Variants in LRIG1 observed in about 807,000 individuals in gnomAD.
The protein encoded by LRIG1 is leucine-rich repeats and immunoglobulin-like domains protein 1.
LRIG1 carries 48 observed loss-of-function variants against 99.2 expected under a neutral mutation model. That is an observed-to-expected ratio of 0.48 (90% confidence interval 0.38 to 0.62). LRIG1 has a LOEUF of 0.62. Ranked by LOEUF, LRIG1 falls within the 20% of genes least tolerant of loss-of-function variation. LRIG1 has a pLI of 0.00. For missense variants in LRIG1, 1,646 were observed against 1,434.4 expected (o/e 1.15, Z -2.38); for synonymous variants, 772 against 596.1 (o/e 1.29, Z -4.30).
At chr3:66,492,383 T>A (rs1320782908) in intron 1 of LRIG1, among the ~76,000 whole-genome samples, 1 of 152,170 alleles carries the variant, frequency 6.6e-6, no homozygotes, top group Non-Finnish European at 1.5e-5. Flanking sequence ...AAATGCTGCA[T>A]AAAGGAGTCT....
chr3:66,476,966 CAT>C (rs1252487255), intron 1 of LRIG1, among the ~76,000 whole-genome samples: 1 of 152,220 alleles, frequency 6.6e-6, no homozygotes. Context: ...GCACGACACA[CAT>C]GTGGTCTGTG....
At chr3:66,464,945 G>A (rs1160968684) in intron 1 of LRIG1, among the ~76,000 whole-genome samples, 6 of 152,180 alleles carry the variant, frequency 3.9e-5, no homozygotes, top group African/African-American at 1.4e-4. Flanking sequence ...AGCAGTATCA[G>A]GACTTAACAC....
chr3:66,403,487 C>G (rs1192281985), intron 9 of LRIG1, among the ~76,000 whole-genome samples: 1 of 152,086 alleles, frequency 6.6e-6, no homozygotes, highest in Non-Finnish European at 1.5e-5. Context: ...TCCCAGGAGT[C>G]TCAGGACCAG....
At position 66,384,268 on chromosome 3, in the gene LRIG1, C is replaced by T. The variant is rs770148932; in HGVS notation, c.1794G>A (p.Leu598=). The T allele has an allele frequency of 2.7e-5, 44 of 1,610,608 alleles. No homozygotes were observed. In the East Asian group the frequency reaches 9.4e-4, roughly 34 times the overall value. The change falls in exon 14 of 19, where the codon TTG becomes TTA. Residue 598 remains leucine (L), a synonymous_variant. Transcript: ENST00000273261. ...CGTGGGGCGTTTTGGTGAATGATGG[C>T]AACACTGGAAAACATACGTATACAG... The part of the protein sequence containing the change: ...SHKARLTVNV[L]PSFTKTPHDI...
chr3:66,395,838 T>C (rs1267920448), intron 11 of LRIG1, among the ~76,000 whole-genome samples: 1 of 152,210 alleles, frequency 6.6e-6, no homozygotes, highest in Non-Finnish European at 1.5e-5. Flanking sequence ...TGGAGAACTC[T>C]CCGCTGTCAG....
chr3:66,448,740 T>C (rs990440408), intron 3 of LRIG1, among the ~76,000 whole-genome samples: 1 of 152,182 alleles, frequency 6.6e-6, no homozygotes. Flanking sequence ...ATTTGCTCTA[T>C]TCTCTCTGCA....
Position 66,465,357 on chromosome 3 carries a change from ATTTTTTTT to A in LRIG1, c.219-2856_219-2849del, listed in dbSNP as rs59148647. On this transcript the variant is annotated intron_variant, in intron 1 of 18. Transcript: ENST00000273261. ...TTCAAGAAGACAAACTCTGAGCATAATTTTTTTTTTTTTTTTTTTTTTTTTGAGACGAG... is the reference window on the plus strand; with the variant it reads ...TTCAAGAAGACAAACTCTGAGCATAATTTTTTTTTTTTTTTTTGAGACGAG... 6.6e-4 allele frequency among the ~76,000 whole-genome samples: 45 copies of A among 67,726 alleles called. 1 individual carries two copies. Among genetic ancestry groups the A allele is most frequent in the Middle Eastern group, 0.015 (2 of 130 alleles). 44.4% of individuals were successfully genotyped at this position (67,726 alleles called of 152,430 possible).
chr3:66,403,135 C>A (rs186600261), intron 9 of LRIG1, among the ~76,000 whole-genome samples: 1 of 152,126 alleles, frequency 6.6e-6, no homozygotes. Flanking sequence ...AATCCTCCTC[C>A]GGTCGTGCCA....
chr3:66,396,241 G>C (rs1701844786), intron 11 of LRIG1, among the ~76,000 whole-genome samples: 1 of 152,192 alleles, frequency 6.6e-6, no homozygotes, highest in African/African-American at 2.4e-5. Context: ...GATACATGGG[G>C]AGGGCCTGGG....
At position 66,385,164 on chromosome 3, in the gene LRIG1, C is replaced by A. The variant is rs116322037; in HGVS notation, c.1789+817G>T. Among the ~76,000 whole-genome samples the A allele has an allele frequency of 5.1e-4, 77 of 152,246 alleles. 1 individual carries two copies. Among genetic ancestry groups the A allele is most frequent in the African/African-American group, 1.7e-3 (69 of 41,540 alleles). On this transcript the variant is annotated intron_variant, in intron 13 of 18. Transcript: ENST00000273261. ...CTACTCCCCACCCCCCTCCTCCAAACACACAATAACACATGGTCCCCTTGA... is the reference window on the plus strand; with the variant it reads ...CTACTCCCCACCCCCCTCCTCCAAAAACACAATAACACATGGTCCCCTTGA...
At chr3:66,468,658 G>A (rs750580050) in intron 1 of LRIG1, among the ~76,000 whole-genome samples, 3 of 152,134 alleles carry the variant, frequency 2.0e-5, no homozygotes, top group African/African-American at 7.2e-5. Context: ...GGGCTCTGGC[G>A]ATTCATCTCT....
intron 8 of LRIG1, chr3:66,406,347 G>T: frequency 1.0e-6 from 1 of 985,616 alleles, no homozygotes; most frequent in Non-Finnish European, 1.2e-6. Context: ...AGCCCTGGCT[G>T]CCAAAGTTTT....
intron 1 of LRIG1, among the ~76,000 whole-genome samples, chr3:66,491,370 C>T (rs1200090661): frequency 6.6e-6 from 1 of 152,078 alleles, no homozygotes; most frequent in African/African-American, 2.4e-5. Flanking sequence ...AGAAACCTCC[C>T]AAGTAAGAGC....
chr3:66,395,583 T>C (rs1054079156), intron 11 of LRIG1, among the ~76,000 whole-genome samples: 1 of 152,244 alleles, frequency 6.6e-6, no homozygotes, highest in African/African-American at 2.4e-5. Flanking sequence ...TGCTGGCCCA[T>C]ATTAGATCTT....
chr3:66,479,784 GA>G (rs1700805961), intron 1 of LRIG1, among the ~76,000 whole-genome samples: 1 of 152,192 alleles, frequency 6.6e-6, no homozygotes, highest in Admixed American at 6.5e-5. Context: ...AATTTAAAAA[GA>G]CAGATAATAG....
intron 11 of LRIG1, among the ~76,000 whole-genome samples, chr3:66,396,630 C>G (rs565475479): frequency 8.5e-5 from 13 of 152,334 alleles, no homozygotes; most frequent in Non-Finnish European, 1.8e-4. Flanking sequence ...TGCAGAAGCA[C>G]GCTGGAGGTC....
intron 3 of LRIG1, among the ~76,000 whole-genome samples, chr3:66,420,241 G>A (rs916299183): frequency 6.6e-6 from 1 of 152,144 alleles, no homozygotes; most frequent in African/African-American, 2.4e-5. Context: ...CAACCACAAT[G>A]AGAAGTCACC....
At chr3:66,381,007 T>C in intron 17 of LRIG1, 146 bp from the exon 18 acceptor site, 1 of 758,642 alleles carries the variant, frequency 1.3e-6, no homozygotes, top group Non-Finnish European at 2.1e-6. Context: ...TCCCCAACTA[T>C]GTCCCCAGAG....
intron 15 of LRIG1, 29 bp downstream of exon 15, chr3:66,382,953 G>GA: frequency 6.4e-7 from 1 of 1,567,608 alleles, no homozygotes; most frequent in South Asian, 1.2e-5. Flanking sequence ...CTCCCTCCTT[G>GA]AAAGTCAGCT....
Sources: gnomAD v4.1 joint callset for allele counts (sites outside exome capture counted in the v4.1 genomes callset) on GRCh38, gnomAD v4.1.1 for gene constraint, MANE v1.5 for transcripts, NCBI Gene and HGNC (gene_info 2026-07-23, HGNC 2026-07-21) for gene names.